The following BACH2 variants were observed in gnomAD, a reference collection of about 807,000 sequenced individuals.
BACH2 encodes transcription regulator protein BACH2.
Under a neutral mutation model 61.8 loss-of-function variants are expected in BACH2, and 5 were observed. The observed-to-expected ratio is 0.08, with a 90% CI of 0.04 to 0.17. The LOEUF is 0.17. Among genes scored for constraint, BACH2 ranks in the 10% least tolerant of loss-of-function variants. BACH2 has a pLI of 1.00. For synonymous variants in BACH2, 446 were observed against 440.1 expected (o/e 1.01, Z -0.17); for missense variants, 824 against 1,091.1 (o/e 0.76, Z 3.45).
intron 4 of BACH2, among the ~76,000 whole-genome samples, chr6:90,204,214 G>C (rs1298214208): frequency 6.6e-6 from 1 of 152,098 alleles, no homozygotes; most frequent in African/African-American, 2.4e-5. Flanking sequence ...GAGCATTACA[G>C]TGTGTGTCTG....
At chr6:90,095,040 T>C (rs559518409) in intron 4 of BACH2, among the ~76,000 whole-genome samples, 3 of 152,348 alleles carry the variant, frequency 2.0e-5, no homozygotes, top group East Asian at 3.9e-4. Context: ...TTCCAGGCTA[T>C]ATAAAAATAT....
chr6:90,197,502 A>G (rs1768800058), intron 4 of BACH2, among the ~76,000 whole-genome samples: 1 of 152,228 alleles, frequency 6.6e-6, no homozygotes. Flanking sequence ...ATTGACAGAA[A>G]AAGGGCAGAG....
intron 6 of BACH2, among the ~76,000 whole-genome samples, chr6:89,997,976 A>C (rs2127777214): frequency 6.6e-6 from 1 of 152,392 alleles, no homozygotes; most frequent in South Asian, 2.1e-4. Flanking sequence ...AGAAATCAAT[A>C]GAAAATGATG....
chr6:90,164,744 C>A (rs985654088), intron 4 of BACH2, among the ~76,000 whole-genome samples: 15 of 152,194 alleles, frequency 9.9e-5, no homozygotes, highest in Non-Finnish European at 1.6e-4. Context: ...CCCTGGGATG[C>A]AAGGCTGGTT....
chr6:90,148,818 ATGT>A (rs759614167), intron 4 of BACH2, among the ~76,000 whole-genome samples: 21 of 152,174 alleles, frequency 1.4e-4, no homozygotes, highest in Non-Finnish European at 2.8e-4. Flanking sequence ...TTATAAAAAC[ATGT>A]TGTTTTTTGA....
In BACH2 at chr6:89,951,371, T is replaced by C. The variant is rs1183283874; in HGVS notation, c.735A>G (p.Ala245=). 4 of 1,614,274 alleles carry C rather than the reference T, an allele frequency of 2.5e-6. No homozygotes were observed. The highest frequency in any genetic ancestry group is 1.7e-5 in the Admixed American group (1 of 60,034). Residue 245 remains alanine, a synonymous_variant, in exon 7 of 9, where the codon GCA becomes GCG. Coordinates refer to ENST00000257749, the MANE Select transcript of BACH2 (RefSeq NM_021813.4). The surrounding 1 kb of genome is among the most constrained non-coding windows in gnomAD (Gnocchi z 6.4). ...CAAAACCTGAGGTACTGTGTGATGA[T>C]GCATTATAGACATTCTTGGTACATG... The part of the protein sequence containing the change: ...QLACTKNVYN[A]SSHSTSGFAS...
chr6:89,981,261 A>G (rs34301134), intron 6 of BACH2, among the ~76,000 whole-genome samples: 26,720 of 151,588 alleles, frequency 0.18, 2,537 homozygotes, highest in African/African-American at 0.24. Flanking sequence ...CCTCCCCAGT[A>G]GCCGGGACTA....
At chr6:90,076,582 G>A (rs1781479761) in intron 5 of BACH2, among the ~76,000 whole-genome samples, 1 of 152,118 alleles carries the variant, frequency 6.6e-6, no homozygotes, top group African/African-American at 2.4e-5. Context: ...TCTTCTGCAT[G>A]GTGCCAACAG....
At chr6:90,003,902 C>T (rs1202908165) in intron 6 of BACH2, among the ~76,000 whole-genome samples, 1 of 152,192 alleles carries the variant, frequency 6.6e-6, no homozygotes, top group Admixed American at 6.5e-5. Flanking sequence ...CCAAAGACTT[C>T]ACCCCTGTTT....
chr6:90,149,192 C>T (rs1028508745), intron 4 of BACH2, among the ~76,000 whole-genome samples: 24 of 151,466 alleles, frequency 1.6e-4, no homozygotes, highest in African/African-American at 4.1e-4. Context: ...CAAATAAGAA[C>T]GTAAGAAAAT....
intron 5 of BACH2, among the ~76,000 whole-genome samples, chr6:90,051,652 A>G (rs1304761695): frequency 6.6e-6 from 1 of 152,162 alleles, no homozygotes; most frequent in Non-Finnish European, 1.5e-5. Flanking sequence ...TACAATTTCA[A>G]TTTAATTAAT....
At chr6:90,080,844 C>T in intron 5 of BACH2, 1 of 898,332 alleles carries the variant, frequency 1.1e-6, no homozygotes, top group African/African-American at 1.8e-5. Context: ...CTAACACCGT[C>T]TTCATGCGCG....
intron 5 of BACH2, among the ~76,000 whole-genome samples, chr6:90,054,969 C>G (rs1780253434): frequency 6.6e-6 from 1 of 151,512 alleles, no homozygotes; most frequent in Non-Finnish European, 1.5e-5. Context: ...AAAAACCCAT[C>G]TGTAAGTCAC....
intron 3 of BACH2, among the ~76,000 whole-genome samples, chr6:90,235,258 C>A (rs1770221823): frequency 6.6e-6 from 1 of 152,082 alleles, no homozygotes; most frequent in South Asian, 2.1e-4. Flanking sequence ...GTATTGAGTC[C>A]ATCTGCATGG....
At chr6:89,972,525 G>C (rs1775424869) in intron 6 of BACH2, among the ~76,000 whole-genome samples, 1 of 152,158 alleles carries the variant, frequency 6.6e-6, no homozygotes, top group Non-Finnish European at 1.5e-5. Context: ...GAAGCTATTT[G>C]GGACGCTTTA....
intron 4 of BACH2, among the ~76,000 whole-genome samples, chr6:90,195,536 A>G (rs1768728478): frequency 6.6e-6 from 1 of 152,158 alleles, no homozygotes; most frequent in Non-Finnish European, 1.5e-5. Context: ...GGCTCTAATA[A>G]CAGATAAGAC....
chr6:89,975,209 T>C (rs1252634811), intron 6 of BACH2, among the ~76,000 whole-genome samples: 1 of 152,218 alleles, frequency 6.6e-6, no homozygotes, highest in Non-Finnish European at 1.5e-5. Flanking sequence ...TTTTCTTTTA[T>C]TTTCCAAGGA....
chr6:89,966,995 T>A (rs1775080978), intron 6 of BACH2, among the ~76,000 whole-genome samples: 1 of 152,192 alleles, frequency 6.6e-6, no homozygotes, highest in African/African-American at 2.4e-5. Flanking sequence ...AGGGTCCTAT[T>A]TTTGACAATG....
chr6:90,016,201 TA>T (rs1778051177), intron 5 of BACH2, among the ~76,000 whole-genome samples: 1 of 152,166 alleles, frequency 6.6e-6, no homozygotes, highest in South Asian at 2.1e-4. Flanking sequence ...TCTTGCTTTT[TA>T]AAAAAATCTA....
Sources: allele counts gnomAD v4.1 joint callset (sites outside exome capture counted in the v4.1 genomes callset), GRCh38; gene constraint gnomAD v4.1.1; non-coding constraint Gnocchi (gnomAD v3.1); transcripts MANE v1.5; gene names NCBI Gene and HGNC (gene_info 2026-07-23, HGNC 2026-07-21).